The following PELI2 variants were observed in gnomAD, a reference collection of about 807,000 sequenced individuals.
The protein encoded by PELI2 is pellino E3 ubiquitin protein ligase family member 2, also known as E3 ubiquitin-protein ligase pellino homolog 2.
PELI2 carries 23 observed loss-of-function variants against 42.3 expected under a neutral mutation model. The observed-to-expected ratio is 0.54, with a 90% CI of 0.39 to 0.77. The LOEUF is 0.77. Ranked by LOEUF, PELI2 falls within the 30% of genes least tolerant of loss-of-function variation. The pLI is 0.00. For synonymous variants in PELI2, 245 were observed against 212.2 expected, an observed-to-expected ratio of 1.15 and a Z score of -1.34; for missense variants, 463 against 553.2, an observed-to-expected ratio of 0.84 and a Z score of 1.64.
intron 2 of PELI2, among the ~76,000 whole-genome samples, chr14:56,272,609 G>C (rs1476506351): frequency 6.6e-6 from 1 of 152,144 alleles, no homozygotes; most frequent in Non-Finnish European, 1.5e-5. Flanking sequence ...ACACTTGGTG[G>C]CCTTTGTCTT....
chr14:56,143,970 T>C (rs1026126531), intron 1 of PELI2, among the ~76,000 whole-genome samples: 10 of 152,230 alleles, frequency 6.6e-5, no homozygotes, highest in African/African-American at 2.2e-4. Flanking sequence ...CCAGACTATC[T>C]TGGTGGAGAG....
chr14:56,242,482 C>T (rs1445802172), intron 2 of PELI2, among the ~76,000 whole-genome samples: 1 of 152,196 alleles, frequency 6.6e-6, no homozygotes, highest in Non-Finnish European at 1.5e-5. Flanking sequence ...CCATTTGATC[C>T]AGCAACCCCA....
chr14:56,220,942 C>G (rs1887106062), intron 2 of PELI2, among the ~76,000 whole-genome samples: 1 of 152,180 alleles, frequency 6.6e-6, no homozygotes, highest in South Asian at 2.1e-4. Context: ...GTGATTCTGT[C>G]CTTTCAGCAG....
At chr14:56,210,733 C>G (rs1886685022) in intron 2 of PELI2, among the ~76,000 whole-genome samples, 1 of 151,976 alleles carries the variant, frequency 6.6e-6, no homozygotes, top group Non-Finnish European at 1.5e-5. Context: ...TTGAAGTTTC[C>G]CACAATAATG....
chr14:56,154,036 A>G (rs954868063), intron 1 of PELI2, among the ~76,000 whole-genome samples: 1 of 152,230 alleles, frequency 6.6e-6, no homozygotes, highest in African/African-American at 2.4e-5. Flanking sequence ...TGATTTAAAT[A>G]TACTCAATAT....
intron 2 of PELI2, among the ~76,000 whole-genome samples, chr14:56,260,499 A>G (rs1353272216): frequency 1.3e-5 from 2 of 152,202 alleles, no homozygotes; most frequent in Admixed American, 6.5e-5. Flanking sequence ...CTGCACAGTC[A>G]TGAAGGAACT....
chr14:56,225,119 G>A (rs1251156073), intron 2 of PELI2, among the ~76,000 whole-genome samples: 1 of 152,180 alleles, frequency 6.6e-6, no homozygotes, highest in Non-Finnish European at 1.5e-5. Flanking sequence ...TATGTAATCA[G>A]TGTTTGGTAA....
intron 2 of PELI2, among the ~76,000 whole-genome samples, chr14:56,252,272 G>A (rs2139817080): frequency 6.6e-6 from 1 of 152,304 alleles, no homozygotes; most frequent in Admixed American, 6.5e-5. Context: ...GCACACTCCT[G>A]TTTTAGAGTA....
intron 2 of PELI2, among the ~76,000 whole-genome samples, chr14:56,234,561 T>A (rs899768733): frequency 1.3e-5 from 2 of 152,056 alleles, no homozygotes; most frequent in Non-Finnish European, 2.9e-5. Context: ...TGAGAACACT[T>A]GGACACAGGG....
intron 3 of PELI2, among the ~76,000 whole-genome samples, chr14:56,281,478 A>AT (rs1889479559): frequency 6.6e-6 from 1 of 152,106 alleles, no homozygotes; most frequent in African/African-American, 2.4e-5. Context: ...CTCTTTTTCC[A>AT]TTTTCTGTAA....
intron 1 of PELI2, among the ~76,000 whole-genome samples, chr14:56,169,705 T>C (rs1885098449): frequency 6.6e-6 from 1 of 152,186 alleles, no homozygotes; most frequent in African/African-American, 2.4e-5. Context: ...TCTGTGTAGA[T>C]AGTTGTTAAC....
At chr14:56,200,753 T>C (rs1236000456) in intron 2 of PELI2, among the ~76,000 whole-genome samples, 1 of 152,246 alleles carries the variant, frequency 6.6e-6, no homozygotes, top group Non-Finnish European at 1.5e-5. Flanking sequence ...TTAAAGTTCC[T>C]GTTAGACTGT....
intron 1 of PELI2, among the ~76,000 whole-genome samples, chr14:56,123,570 G>C (rs572298968): frequency 4.7e-4 from 72 of 152,200 alleles, no homozygotes; most frequent in Non-Finnish European, 9.9e-4. Flanking sequence ...GGAATATGTG[G>C]CTGTCTGTGT....
rs377674563 is a variant in PELI2 at position 56,198,321 on chromosome 14, CAGA to C, written c.207+19861_207+19863del. Among the ~76,000 whole-genome samples, 24 of 152,136 alleles carry C rather than the reference CAGA, an allele frequency of 1.6e-4. No homozygotes were observed. In the East Asian group the frequency reaches 4.6e-3, roughly 29 times the overall value. The stretch of plus-strand genomic sequence containing the variant: ...TGGAATTCAACCATGTAGAGAGGGG[CAGA>C]AGATTTAGGACTGAGCATTGGTGAA... On this transcript the variant is annotated intron_variant, in intron 2 of 5. Transcript: ENST00000267460.
At chr14:56,172,137 C>T (rs1885196685) in intron 1 of PELI2, among the ~76,000 whole-genome samples, 1 of 152,196 alleles carries the variant, frequency 6.6e-6, no homozygotes, top group Non-Finnish European at 1.5e-5. Context: ...TGGCTTAAAA[C>T]ATGTTACTTA....
intron 1 of PELI2, among the ~76,000 whole-genome samples, chr14:56,161,285 C>T (rs1884755861): frequency 1.3e-5 from 2 of 151,166 alleles, no homozygotes; most frequent in South Asian, 2.1e-4. Context: ...AGGGGTCTTT[C>T]ATCTGTTCAT....
chr14:56,233,894 TAAAC>T (rs1887683267), intron 2 of PELI2, among the ~76,000 whole-genome samples: 1 of 152,096 alleles, frequency 6.6e-6, no homozygotes, highest in Non-Finnish European at 1.5e-5. Context: ...ACAAAGAACT[TAAAC>T]AAATTTATAA....
intron 1 of PELI2, among the ~76,000 whole-genome samples, chr14:56,141,505 C>G (rs1883905839): frequency 6.6e-6 from 1 of 152,132 alleles, no homozygotes; most frequent in South Asian, 2.1e-4. Context: ...AGGTGTTAGC[C>G]CATTCTCATG....
At chr14:56,238,936 A>G (rs2139789028) in intron 2 of PELI2, among the ~76,000 whole-genome samples, 1 of 152,344 alleles carries the variant, frequency 6.6e-6, no homozygotes, top group East Asian at 1.9e-4. Context: ...AAGGTAGCTG[A>G]AAACTTCCTT....
Sources: gnomAD v4.1 joint callset for allele counts (sites outside exome capture counted in the v4.1 genomes callset) on GRCh38, gnomAD v4.1.1 for gene constraint, MANE v1.5 for transcripts, NCBI Gene and HGNC (gene_info 2026-07-23, HGNC 2026-07-21) for gene names.